Variants in TTC39C observed in about 807,000 individuals in gnomAD.
TTC39C encodes tetratricopeptide repeat protein 39C.
A neutral mutation model predicts 76.3 loss-of-function variants in TTC39C; 33 were observed. The ratio of observed to expected loss-of-function variants is 0.43; its 90% CI spans 0.33 to 0.58. The LOEUF is 0.58. Ranked by LOEUF, TTC39C falls within the 20% of genes least tolerant of loss-of-function variation. The pLI is 0.04. For synonymous variants in TTC39C, 254 were observed against 260.6 expected, an observed-to-expected ratio of 0.97 and a Z score of 0.24; for missense variants, 595 against 701.4, an observed-to-expected ratio of 0.85 and a Z score of 1.71.
At chr18:24,015,892 G>T (rs541704319) in intron 1 of TTC39C, among the ~76,000 whole-genome samples, 84 of 152,304 alleles carry the variant, frequency 5.5e-4, no homozygotes, top group Non-Finnish European at 1.0e-3. Context: ...TTGTTCTCGG[G>T]TTGAGGAAGC....
At chr18:24,033,135 C>T (rs908065223) in intron 1 of TTC39C, among the ~76,000 whole-genome samples, 9 of 152,188 alleles carry the variant, frequency 5.9e-5, no homozygotes, top group African/African-American at 2.2e-4. Context: ...TGCCTATAAT[C>T]CCAGCTACTC....
Position 24,060,313 on chromosome 18 carries a change from G to GTTTTTT in TTC39C, c.168-3810_168-3805dup, listed in dbSNP as rs1294806136. On this transcript the variant is annotated intron_variant, in intron 1 of 13. Coordinates refer to ENST00000317571, the MANE Select transcript of TTC39C (RefSeq NM_001135993.2). ...TATTGTGGTTTTGATTTGCGTTTCT[G>GTTTTTT]TTTTTTTTTTTTTTTTTTTTTTGAG... is the stretch of plus-strand genomic sequence containing the variant. Among the ~76,000 whole-genome samples, 59 of 89,244 alleles carry GTTTTTT rather than the reference G, an allele frequency of 6.6e-4. 1 individual carries two copies. The highest frequency in any genetic ancestry group is 1.2e-3 in the African/African-American group (30 of 24,126). The allele number at this position is 89,244 out of a possible 152,430, so 58.5% of individuals were successfully genotyped here.
intron 1 of TTC39C, among the ~76,000 whole-genome samples, chr18:24,047,437 T>G (rs371499687): frequency 3.9e-5 from 6 of 152,188 alleles, no homozygotes; most frequent in Non-Finnish European, 7.3e-5. Context: ...TCATAAACTG[T>G]GGGGGTTTTA....
At chr18:24,026,148 G>T (rs1484729310) in intron 1 of TTC39C, among the ~76,000 whole-genome samples, 3 of 152,154 alleles carry the variant, frequency 2.0e-5, no homozygotes, top group African/African-American at 7.2e-5. Context: ...ACTCCACGTG[G>T]ATCTAGCTTA....
At chr18:24,012,467 C>T (rs918248653), upstream of TTC39C, among the ~76,000 whole-genome samples, 2 of 152,170 alleles carry the variant, frequency 1.3e-5, no homozygotes, top group African/African-American at 4.8e-5. Flanking sequence ...ACTTTGCTCA[C>T]CCCTCCCCAC....
chr18:24,082,689 C>T (rs2084391504), intron 5 of TTC39C, among the ~76,000 whole-genome samples: 1 of 152,162 alleles, frequency 6.6e-6, no homozygotes, highest in South Asian at 2.1e-4. Flanking sequence ...ATTCTCTTCT[C>T]CCCTGAGGGA....
chr18:24,038,625 T>C (rs2083758496), intron 1 of TTC39C, among the ~76,000 whole-genome samples: 1 of 152,120 alleles, frequency 6.6e-6, no homozygotes, highest in South Asian at 2.1e-4. Flanking sequence ...ATGAGAACAG[T>C]AATAAAAACA....
intron 6 of TTC39C, among the ~76,000 whole-genome samples, chr18:24,098,627 G>A (rs992880772): frequency 2.1e-5 from 3 of 141,254 alleles, no homozygotes; most frequent in Admixed American, 7.4e-5. Context: ...CTTCTCTTCT[G>A]TTTGTCTCTT....
chr18:24,066,159 G>A lies in TTC39C; in HGVS notation c.345+19G>A, dbSNP rs752792788. The A allele has an allele frequency of 1.5e-5, 24 of 1,579,764 alleles. No individual in the cohort carries two copies. In the South Asian group the frequency reaches 2.7e-4, roughly 18 times the overall value. Reference sequence around the variant, plus strand: ...GAAGAACGTAAGTATTGCGGCTTTAGGTTGTGGACTGTGTGCCACTTATTT... The same window carrying A: ...GAAGAACGTAAGTATTGCGGCTTTAAGTTGTGGACTGTGTGCCACTTATTT... On this transcript the variant is annotated intron_variant, in intron 3 of 13. Transcript: ENST00000317571.
At chr18:24,036,324 T>C (rs1203534073) in intron 1 of TTC39C, among the ~76,000 whole-genome samples, 5 of 152,234 alleles carry the variant, frequency 3.3e-5, no homozygotes, top group Non-Finnish European at 7.3e-5. Flanking sequence ...TAGTATTAGC[T>C]AATATTAAGT....
In TTC39C at chr18:24,130,327, T is replaced by G. The variant is rs1320297207; in HGVS notation, c.1533T>G (p.Ala511=). The stretch of plus-strand genomic sequence containing the variant: ...ATTCCTTTCAGTACTTCCAGCGAGC[T>G]GTTAAAGATGAATTGTGTCGTCAGA... ...SEDAVQYFQR[A]VKDELCRQNN... is the part of the protein sequence containing the mutation. The change falls in exon 12 of 14, where the codon GCT becomes GCG. Residue 511 remains alanine, a synonymous_variant. Coordinates refer to ENST00000317571, the MANE Select transcript of TTC39C (RefSeq NM_001135993.2). 2 of 1,575,266 alleles carry G rather than the reference T, an allele frequency of 1.3e-6. No individual in the cohort carries two copies. The highest frequency in any genetic ancestry group is 1.7e-6 in the Non-Finnish European group (2 of 1,160,692).
chr18:24,064,677 G>A (rs556563759), intron 2 of TTC39C, among the ~76,000 whole-genome samples: 2 of 152,168 alleles, frequency 1.3e-5, no homozygotes, highest in South Asian at 2.1e-4. Context: ...GGGATACTTC[G>A]ATTTTTCGGA....
At chr18:24,015,084 G>A in intron 1 of TTC39C, 46 bp downstream of exon 1, 1 of 1,368,182 alleles carries the variant, frequency 7.3e-7, no homozygotes. Context: ...CGCGCACCTC[G>A]TGTCCGGCTC....
chr18:24,033,515 G>A (rs1900815322), intron 1 of TTC39C, among the ~76,000 whole-genome samples: 3 of 152,116 alleles, frequency 2.0e-5, no homozygotes, highest in Non-Finnish European at 4.4e-5. Flanking sequence ...TGGTCTTCCA[G>A]CCTCATTTGT....
chr18:24,076,515 G>T (rs967149412), intron 4 of TTC39C, among the ~76,000 whole-genome samples: 1 of 151,870 alleles, frequency 6.6e-6, no homozygotes, highest in African/African-American at 2.4e-5. Context: ...TCCTGTTCTC[G>T]GTGCTGCATT....
chr18:24,079,806 CTT>C (rs34238141), intron 4 of TTC39C, among the ~76,000 whole-genome samples: 2 of 140,536 alleles, frequency 1.4e-5, no homozygotes. Context: ...TTTTTTCTTT[CTT>C]TTTTTTTTTT....
At chr18:24,015,634 C>T (rs546406544) in intron 1 of TTC39C, among the ~76,000 whole-genome samples, 1 of 152,362 alleles carries the variant, frequency 6.6e-6, no homozygotes, top group Non-Finnish European at 1.5e-5. Flanking sequence ...TTGTCTTCTG[C>T]AAACTCAGTC....
chr18:24,020,808 A>G (rs2083509297), intron 1 of TTC39C, among the ~76,000 whole-genome samples: 1 of 152,140 alleles, frequency 6.6e-6, no homozygotes, highest in South Asian at 2.1e-4. Context: ...GGCTGACTGT[A>G]TTGTATTAAC....
intron 1 of TTC39C, among the ~76,000 whole-genome samples, chr18:24,048,366 G>A (rs1369850584): frequency 1.3e-5 from 2 of 152,182 alleles, no homozygotes; most frequent in Admixed American, 6.5e-5. Context: ...AGAATGAACT[G>A]ATTTTGTTAA....
Sources: gnomAD v4.1 joint callset for allele counts (sites outside exome capture counted in the v4.1 genomes callset) on GRCh38, gnomAD v4.1.1 for gene constraint, MANE v1.5 for transcripts, NCBI Gene and HGNC (gene_info 2026-07-23, HGNC 2026-07-21) for gene names.